ZMIZ1: variants seen among roughly 807,000 people sequenced by gnomAD.
The protein encoded by ZMIZ1 is zinc finger MIZ domain-containing protein 1.
A neutral mutation model predicts 113.9 loss-of-function variants in ZMIZ1; 17 were observed. That is an observed-to-expected ratio of 0.15 (90% CI 0.10 to 0.22). The LOEUF (loss-of-function observed/expected upper bound fraction) is 0.22. Ranked by LOEUF, ZMIZ1 falls within the 10% of genes least tolerant of loss-of-function variation. The pLI is 1.00. For missense variants in ZMIZ1, 1,059 were observed against 1,477.8 expected, an observed-to-expected ratio of 0.72 and a Z score of 4.65; for synonymous variants, 607 against 603.1, an observed-to-expected ratio of 1.01 and a Z score of -0.09.
chr10:79,104,044 G>C (rs1843466444), intron 1 of ZMIZ1, among the ~76,000 whole-genome samples: 1 of 152,222 alleles, frequency 6.6e-6, no homozygotes, highest in African/African-American at 2.4e-5. Context: ...CCTGGACTGG[G>C]ATGGGAAGGA....
chr10:79,269,024 G>A (rs1377851068), intron 7 of ZMIZ1, among the ~76,000 whole-genome samples: 1 of 152,136 alleles, frequency 6.6e-6, no homozygotes, highest in Non-Finnish European at 1.5e-5. Flanking sequence ...GAGGCAGCTC[G>A]AGGTGCTCCC....
At chr10:79,155,057 CCTAGCCCAGTATCACGCAG>C (rs1446105889) in intron 3 of ZMIZ1, among the ~76,000 whole-genome samples, 1 of 152,228 alleles carries the variant, frequency 6.6e-6, no homozygotes, top group Non-Finnish European at 1.5e-5. Flanking sequence ...GACCCAAGTT[CCTAGCCCAGTATCACGCAG>C]CTAAGTAAGT....
At chr10:79,183,336 C>A (rs1847203140) in intron 4 of ZMIZ1, among the ~76,000 whole-genome samples, 1 of 150,658 alleles carries the variant, frequency 6.6e-6, no homozygotes, top group Non-Finnish European at 1.5e-5. Flanking sequence ...GGACGCAGCA[C>A]AGGCCTGAGG....
chr10:79,260,319 G>C (rs1438104834), intron 7 of ZMIZ1, among the ~76,000 whole-genome samples: 1 of 152,336 alleles, frequency 6.6e-6, no homozygotes, highest in East Asian at 1.9e-4. Flanking sequence ...TTAAAAGCAG[G>C]TGGTGATAGG....
intron 7 of ZMIZ1, among the ~76,000 whole-genome samples, chr10:79,262,653 T>G (rs1365699501): frequency 6.6e-6 from 1 of 152,278 alleles, no homozygotes; most frequent in Non-Finnish European, 1.5e-5. Flanking sequence ...CTCAGTGTTC[T>G]ATAAATTCAG....
intron 2 of ZMIZ1, among the ~76,000 whole-genome samples, chr10:79,120,978 C>T (rs992378904): frequency 1.3e-5 from 2 of 152,120 alleles, no homozygotes; most frequent in African/African-American, 4.8e-5. Flanking sequence ...CATTTGACTC[C>T]CTGCCAGGAG....
intron 23 of ZMIZ1, among the ~76,000 whole-genome samples, chr10:79,308,000 C>T (rs1366764374): frequency 6.6e-6 from 1 of 152,226 alleles, no homozygotes; most frequent in Non-Finnish European, 1.5e-5. Flanking sequence ...GTATTACCAC[C>T]TCCAACAAAA....
At chr10:79,233,877 G>C (rs957486671) in intron 7 of ZMIZ1, among the ~76,000 whole-genome samples, 8 of 152,000 alleles carry the variant, frequency 5.3e-5, no homozygotes, top group African/African-American at 1.9e-4. Context: ...CCAACACTTT[G>C]ATCGGCATAT....
chr10:79,276,913 C>T (rs1461586157), intron 7 of ZMIZ1, among the ~76,000 whole-genome samples: 1 of 152,170 alleles, frequency 6.6e-6, no homozygotes, highest in Non-Finnish European at 1.5e-5. Flanking sequence ...CTCTTTGCCT[C>T]CACGGACCAC....
rs1853923967 is a variant in ZMIZ1, at chr10:79,296,758, G to A, written c.1413+105G>A. ...CTGACCCTGCGTGTGTTTGCCCCAAGGACAGCGAGGGGTGGGTGATTTCTG... is the reference window on the plus strand; with the variant it reads ...CTGACCCTGCGTGTGTTTGCCCCAAAGACAGCGAGGGGTGGGTGATTTCTG... On this transcript the variant is annotated intron_variant, in intron 13 of 24. Transcript: ENST00000334512. The surrounding 1 kb of genome is among the most constrained non-coding windows in gnomAD (Gnocchi z 4.1). The A allele has an allele frequency of 6.8e-6, 8 of 1,170,658 alleles. No individual in the cohort carries two copies. Among genetic ancestry groups the A allele is most frequent in the East Asian group, 5.6e-5 (2 of 36,024 alleles). The allele number at this position is 1,170,658 out of a possible 1,614,324, so 72.5% of individuals were successfully genotyped here.
intron 3 of ZMIZ1, among the ~76,000 whole-genome samples, chr10:79,146,449 C>T (rs1164666828): frequency 6.6e-6 from 1 of 152,196 alleles, no homozygotes; most frequent in South Asian, 2.1e-4. Context: ...CCCTAGATGC[C>T]CCAAAGGCTA....
intron 2 of ZMIZ1, among the ~76,000 whole-genome samples, chr10:79,132,171 C>T (rs1239555136): frequency 6.6e-6 from 1 of 152,206 alleles, no homozygotes; most frequent in Non-Finnish European, 1.5e-5. Flanking sequence ...TCTAATGACC[C>T]CGGGGCTTGG....
chr10:79,305,538 C>T lies in ZMIZ1; in HGVS notation c.2360C>T (p.Thr787Ile). The change falls in exon 21 of 25, where the codon ACC becomes ATC. Residue 787 changes from threonine (T) to isoleucine (I), a missense_variant. By Grantham distance (89) the Thr-to-Ile change is moderately conservative (BLOSUM62 -1). Coordinates refer to ENST00000334512, the MANE Select transcript of ZMIZ1 (RefSeq NM_020338.4). Reference protein sequence around the residue: ...GTWRCPVCNKTALLEGLEVDQ... With the variant: ...GTWRCPVCNKIALLEGLEVDQ... ...CTCCCCATCTCCTTTTCCAGTAAAA[C>T]CGCTCTGCTGGAGGGCCTGGAGGTG... 3.1e-6 allele frequency: 5 copies of T among 1,614,100 alleles called. No individual in the cohort carries two copies. The highest frequency in any genetic ancestry group is 4.2e-6 in the Non-Finnish European group (5 of 1,180,004).
intron 7 of ZMIZ1, among the ~76,000 whole-genome samples, chr10:79,236,435 C>T (rs148604461): frequency 1.3e-5 from 2 of 152,216 alleles, no homozygotes; most frequent in Admixed American, 6.5e-5. Flanking sequence ...TCGGAAGCCC[C>T]CATCAAAGCT....
intron 7 of ZMIZ1, among the ~76,000 whole-genome samples, chr10:79,222,377 A>T (rs1467952436): frequency 6.6e-6 from 1 of 151,936 alleles, no homozygotes; most frequent in African/African-American, 2.4e-5. Flanking sequence ...ATTGTCTCAC[A>T]CCCATGGCCT....
At chr10:79,275,828 C>T (rs757614865) in intron 7 of ZMIZ1, among the ~76,000 whole-genome samples, 1 of 152,100 alleles carries the variant, frequency 6.6e-6, no homozygotes, top group Non-Finnish European at 1.5e-5. Context: ...CTGACTGGGC[C>T]CCCGTCTACT....
In ZMIZ1 at chr10:79,164,368, T is replaced by C. The variant is rs151102090; in HGVS notation, c.-50+2235T>C. 4.9e-3 allele frequency among the ~76,000 whole-genome samples: 751 copies of C among 152,368 alleles called. 2 individuals carry two copies. Among genetic ancestry groups the C allele is most frequent in the Middle Eastern group, 0.017 (5 of 294 alleles). ...TTGTTCACTACCACGTCTTAGTCCC[T>C]GGCACAGAGCAGTGGCCCCATTGAT... On this transcript the variant is annotated intron_variant, in intron 4 of 24. Transcript: ENST00000334512.
At chr10:79,275,199 CAT>C (rs1852200338) in intron 7 of ZMIZ1, among the ~76,000 whole-genome samples, 1 of 152,250 alleles carries the variant, frequency 6.6e-6, no homozygotes, top group South Asian at 2.1e-4. Context: ...AGCTGTAGCA[CAT>C]GTGTGCTGGA....
chr10:79,171,577 ACCTGT>A (rs1279544626), intron 4 of ZMIZ1, among the ~76,000 whole-genome samples: 1 of 152,164 alleles, frequency 6.6e-6, no homozygotes, highest in Non-Finnish European at 1.5e-5. Flanking sequence ...AAAGAAACAG[ACCTGT>A]GCCAGCCACA....
Sources: gnomAD v4.1 joint callset for allele counts (sites outside exome capture counted in the v4.1 genomes callset) on GRCh38, gnomAD v4.1.1 for gene constraint, Gnocchi (gnomAD v3.1) non-coding constraint, MANE v1.5 for transcripts, NCBI Gene and HGNC (gene_info 2026-07-23, HGNC 2026-07-21) for gene names.